SRGAP1: variants seen among roughly 807,000 people sequenced by gnomAD.
SRGAP1 encodes SLIT-ROBO Rho GTPase activating protein 1, also known as SLIT-ROBO Rho GTPase-activating protein 1.
Under a neutral mutation model 121.9 loss-of-function variants are expected in SRGAP1, and 43 were observed. The observed-to-expected ratio is 0.35, with a 90% confidence interval of 0.28 to 0.46. SRGAP1 has a LOEUF of 0.46. Among genes scored for constraint, SRGAP1 ranks in the 20% least tolerant of loss-of-function variants. SRGAP1 has a pLI of 1.00. For missense variants in SRGAP1, 1,102 were observed against 1,350.9 expected (o/e 0.82, Z 2.89); for synonymous variants, 447 against 485.4 (o/e 0.92, Z 1.04).
intron 1 of SRGAP1, among the ~76,000 whole-genome samples, chr12:63,926,339 C>T (rs2031258184): frequency 6.6e-6 from 1 of 152,090 alleles, no homozygotes; most frequent in Admixed American, 6.5e-5. Flanking sequence ...TTATAATACT[C>T]TCATGGGGGA....
At chr12:63,962,901 A>C (rs950511551) in intron 1 of SRGAP1, among the ~76,000 whole-genome samples, 3 of 152,164 alleles carry the variant, frequency 2.0e-5, no homozygotes, top group Non-Finnish European at 4.4e-5. Context: ...TAAAAGCATA[A>C]AATTATTAAT....
chr12:64,080,365 G>A lies in SRGAP1; in HGVS notation c.1403G>A (p.Gly468Glu). Reference protein sequence around the residue: ...AKHDLLQRTLGEGHRAEYMTT... With the variant: ...AKHDLLQRTLEEGHRAEYMTT... ...CATGACTTGCTGCAGAGGACCCTGG[G>A]AGAAGGTGAGTTATCCAAAATGTAT... The change falls in exon 10 of 22, where the codon GGA becomes GAA. Residue 468 changes from glycine (G) to glutamate (E), a missense_variant. By Grantham distance (98) the Gly-to-Glu change is moderately conservative. Coordinates refer to ENST00000355086, the MANE Select transcript of SRGAP1 (RefSeq NM_020762.4). The A allele has an allele frequency of 6.2e-7, 1 of 1,612,878 alleles. No individual in the cohort carries two copies. The highest frequency in any genetic ancestry group is 8.5e-7 in the Non-Finnish European group (1 of 1,179,098).
rs560289156 is a variant in SRGAP1, at chr12:64,077,743, A to C, written c.1126-1176A>C. Among the ~76,000 whole-genome samples the C allele has an allele frequency of 2.0e-5, 3 of 152,186 alleles. No homozygotes were observed. In the South Asian group the frequency reaches 6.2e-4, roughly 32 times the overall value. ...GAAAATATTTCTTAAATAGGACACAAAAAACACTAAAAGGAAAGAATTGAT... is the reference window on the plus strand; with the variant it reads ...GAAAATATTTCTTAAATAGGACACACAAAACACTAAAAGGAAAGAATTGAT... On this transcript the variant is annotated intron_variant, in intron 8 of 21. Transcript: ENST00000355086.
chr12:63,913,394 C>T (rs1170500407), intron 1 of SRGAP1, among the ~76,000 whole-genome samples: 5 of 144,074 alleles, frequency 3.5e-5, no homozygotes, highest in Non-Finnish European at 6.0e-5. Context: ...TTGGCTCAAG[C>T]GATCCTCCCA....
At chr12:63,880,106 A>G (rs1051661188) in intron 1 of SRGAP1, among the ~76,000 whole-genome samples, 3 of 152,166 alleles carry the variant, frequency 2.0e-5, no homozygotes, top group Non-Finnish European at 4.4e-5. Context: ...TGATGATTTT[A>G]TAAAGGGCAG....
chr12:64,085,556 T>A (rs757290703), intron 10 of SRGAP1, among the ~76,000 whole-genome samples: 1 of 152,140 alleles, frequency 6.6e-6, no homozygotes, highest in Non-Finnish European at 1.5e-5. Flanking sequence ...TTCTCTGTGC[T>A]CTAACCCTGT....
At chr12:64,005,101 A>G (rs942934999) in intron 3 of SRGAP1, among the ~76,000 whole-genome samples, 6 of 152,224 alleles carry the variant, frequency 3.9e-5, no homozygotes, top group Admixed American at 3.9e-4. Context: ...AAAAAATATT[A>G]TTGTGAGTGA....
chr12:63,926,849 G>T (rs142386645), intron 1 of SRGAP1, among the ~76,000 whole-genome samples: 1 of 151,970 alleles, frequency 6.6e-6, no homozygotes, highest in African/African-American at 2.4e-5. Context: ...CCCTACCTTC[G>T]TATTATGTCT....
intron 1 of SRGAP1, among the ~76,000 whole-genome samples, chr12:63,916,037 T>C (rs1204258951): frequency 2.1e-5 from 3 of 144,848 alleles, no homozygotes; most frequent in African/African-American, 5.1e-5. Context: ...CTTTTCTTTT[T>C]TTTTTTTTTT....
chr12:63,964,460 G>A (rs2032729356), intron 1 of SRGAP1, among the ~76,000 whole-genome samples: 1 of 152,072 alleles, frequency 6.6e-6, no homozygotes, highest in African/African-American at 2.4e-5. Flanking sequence ...AGTCACTTGA[G>A]CCCTAAAGAG....
intron 8 of SRGAP1, among the ~76,000 whole-genome samples, chr12:64,072,759 C>T (rs551715134): frequency 3.3e-4 from 51 of 152,302 alleles, no homozygotes; most frequent in African/African-American, 1.2e-3. Context: ...ACCTGGTTTG[C>T]CTTAGCAGGC....
chr12:64,161,737 A>C lies in SRGAP1; in HGVS notation c.*19065A>C, dbSNP rs556318632. The C allele has an allele frequency of 8.5e-5, 13 of 152,350 alleles. No homozygotes were observed. In the South Asian group the frequency reaches 1.2e-3, roughly 15 times the overall value. The allele number at this position is 152,350 out of a possible 1,614,324, so 9.4% of individuals were successfully genotyped here. On this transcript the variant is annotated 3_prime_UTR_variant, in exon 22 of 22. Transcript: ENST00000355086. The stretch of plus-strand genomic sequence containing the variant: ...TATCTGCTCGAATTTAAAAACAAGC[A>C]CTAAAGAAGGGCACTAAAAAACAGA...
chr12:64,051,535 C>T (rs12304435), intron 6 of SRGAP1, among the ~76,000 whole-genome samples: 16,984 of 152,174 alleles, frequency 0.11, 1,116 homozygotes, highest in South Asian at 0.31. Context: ...GCACTTCAGA[C>T]TAATCAGTTT....
intron 1 of SRGAP1, among the ~76,000 whole-genome samples, chr12:63,881,983 G>T (rs368640516): frequency 3.5e-4 from 54 of 152,242 alleles, no homozygotes; most frequent in African/African-American, 1.2e-3. Flanking sequence ...GGGAAATATT[G>T]TGGAAACTAG....
At chr12:64,049,329 T>G (rs1173368578) in intron 6 of SRGAP1, among the ~76,000 whole-genome samples, 1 of 152,180 alleles carries the variant, frequency 6.6e-6, no homozygotes, top group Non-Finnish European at 1.5e-5. Flanking sequence ...CTGGGAAATT[T>G]ATAAAGGAAA....
At chr12:64,016,472 G>T (rs2034405013) in intron 3 of SRGAP1, among the ~76,000 whole-genome samples, 1 of 152,114 alleles carries the variant, frequency 6.6e-6, no homozygotes, top group African/African-American at 2.4e-5. Flanking sequence ...GGGTGACAGA[G>T]CGAGACCCTG....
chr12:64,134,228 T>C (rs1592353010), intron 21 of SRGAP1, among the ~76,000 whole-genome samples: 1 of 152,000 alleles, frequency 6.6e-6, no homozygotes, highest in Admixed American at 6.6e-5. Flanking sequence ...GAGACCATCC[T>C]GGCTAACATG....
chr12:63,930,752 T>G (rs57140731), intron 1 of SRGAP1, among the ~76,000 whole-genome samples: 1 of 151,786 alleles, frequency 6.6e-6, no homozygotes, highest in African/African-American at 2.4e-5. Flanking sequence ...TCATTGGGAT[T>G]GGAAAAAAAA....
rs140559439 is a variant in SRGAP1 at position 64,030,950 on chromosome 12, T to A, written c.490-11840T>A. On this transcript the variant is annotated intron_variant, in intron 4 of 21. Coordinates refer to ENST00000355086, the MANE Select transcript of SRGAP1 (RefSeq NM_020762.4). ...TGGCATAGCACAGTGGACTCCTTGCTGTCTCAGGTCAACAGAACCAGAAGG... is the reference window on the plus strand; with the variant it reads ...TGGCATAGCACAGTGGACTCCTTGCAGTCTCAGGTCAACAGAACCAGAAGG... Among the ~76,000 whole-genome samples the A allele has an allele frequency of 3.9e-5, 6 of 152,350 alleles. No homozygotes were observed. In the South Asian group the frequency reaches 6.2e-4, roughly 16 times the overall value.
Sources: gnomAD v4.1 joint callset for allele counts (sites outside exome capture counted in the v4.1 genomes callset) on GRCh38, gnomAD v4.1.1 for gene constraint, MANE v1.5 for transcripts, NCBI Gene and HGNC (gene_info 2026-07-23, HGNC 2026-07-21) for gene names.